INPP4B: variants seen among roughly 807,000 people sequenced by gnomAD.
The protein encoded by INPP4B is inositol polyphosphate-4-phosphatase type II B.
Under a neutral mutation model 122.5 loss-of-function variants are expected in INPP4B, and 55 were observed. That is an observed-to-expected ratio of 0.45 (90% CI 0.36 to 0.56). The LOEUF is 0.56. Ranked by LOEUF, INPP4B falls within the 20% of genes least tolerant of loss-of-function variation. INPP4B has a pLI of 0.00. For missense variants in INPP4B, 1,000 were observed against 1,097.7 expected (o/e 0.91, Z 1.26); for synonymous variants, 403 against 388.7 (o/e 1.04, Z -0.43).
At position 142,024,244 on chromosome 4, in the gene INPP4B, C is replaced by A. The variant is rs1246973987; in HGVS notation, c.*4538G>T. The A allele has an allele frequency of 6.6e-6, 1 of 152,030 alleles. No individual in the cohort carries two copies. The highest frequency in any genetic ancestry group is 1.5e-5 in the Non-Finnish European group (1 of 67,998). The allele number at this position is 152,030 out of a possible 1,614,324, so 9.4% of individuals were successfully genotyped here. A position where few individuals can be genotyped will look rare whatever the true frequency, so the allele number is the denominator to read the frequency against. On this transcript the variant is annotated 3_prime_UTR_variant, in exon 26 of 26. Coordinates refer to ENST00000262992, the MANE Select transcript of INPP4B (RefSeq NM_001101669.3). ...GAGCTCTAAATTAAAACTGCCAAAG[C>A]AACAAAAGATATAATATATTGGGAC...
chr4:142,078,523 G>T (rs1011382486), intron 25 of INPP4B, among the ~76,000 whole-genome samples: 4 of 151,910 alleles, frequency 2.6e-5, no homozygotes, highest in African/African-American at 9.7e-5. Context: ...ACTGTTCTAG[G>T]TACTGGAAAT....
intron 25 of INPP4B, among the ~76,000 whole-genome samples, chr4:142,044,771 A>C (rs1750416693): frequency 6.6e-6 from 1 of 152,168 alleles, no homozygotes; most frequent in South Asian, 2.1e-4. Flanking sequence ...GTTGTTTCTC[A>C]GGAGAACAAA....
chr4:142,466,467 T>C (rs1441258470), intron 2 of INPP4B, among the ~76,000 whole-genome samples: 2 of 152,214 alleles, frequency 1.3e-5, no homozygotes, highest in Non-Finnish European at 2.9e-5. Flanking sequence ...TGGTTGTTTC[T>C]AACAACTTAA....
chr4:142,123,477 A>G (rs1341954166), intron 19 of INPP4B, 62 bp from the exon 20 acceptor site: 2 of 1,535,824 alleles, frequency 1.3e-6, no homozygotes, highest in Non-Finnish European at 1.8e-6. Context: ...TTATTTTGAA[A>G]TATTTTAAGA....
chr4:142,233,827 T>C (rs1198258766), intron 12 of INPP4B, among the ~76,000 whole-genome samples: 1 of 151,960 alleles, frequency 6.6e-6, no homozygotes, highest in Non-Finnish European at 1.5e-5. Context: ...TTTTATATTA[T>C]ATTACAAATG....
chr4:142,518,131 T>G (rs1456872562), intron 2 of INPP4B, among the ~76,000 whole-genome samples: 1 of 152,184 alleles, frequency 6.6e-6, no homozygotes, highest in African/African-American at 2.4e-5. Flanking sequence ...TTGATCTATT[T>G]CAGCAATTAG....
intron 2 of INPP4B, among the ~76,000 whole-genome samples, chr4:142,562,826 G>C (rs535610908): frequency 6.6e-6 from 1 of 152,082 alleles, no homozygotes; most frequent in Non-Finnish European, 1.5e-5. Flanking sequence ...CATGTTACTT[G>C]CAAAATGTTA....
At chr4:142,787,597 T>C (rs1348673372) in intron 1 of INPP4B, among the ~76,000 whole-genome samples, 1 of 152,118 alleles carries the variant, frequency 6.6e-6, no homozygotes, top group Non-Finnish European at 1.5e-5. Flanking sequence ...TACCAACTTA[T>C]TTTATACATT....
At chr4:142,671,835 T>C (rs1757044967) in intron 2 of INPP4B, among the ~76,000 whole-genome samples, 1 of 152,168 alleles carries the variant, frequency 6.6e-6, no homozygotes, top group Admixed American at 6.6e-5. Flanking sequence ...CTTTATCAAG[T>C]ATATTAATTG....
intron 1 of INPP4B, among the ~76,000 whole-genome samples, chr4:142,785,361 T>A (rs1775608366): frequency 6.6e-6 from 1 of 151,908 alleles, no homozygotes; most frequent in African/African-American, 2.4e-5. Context: ...GAGATTCAGA[T>A]AAAACAGTTT....
At chr4:142,598,811 C>T (rs941658506) in intron 2 of INPP4B, among the ~76,000 whole-genome samples, 1 of 152,258 alleles carries the variant, frequency 6.6e-6, no homozygotes, top group Admixed American at 6.5e-5. Flanking sequence ...GCACAGAGAG[C>T]AGAACCCCTT....
intron 25 of INPP4B, among the ~76,000 whole-genome samples, chr4:142,071,383 C>A (rs1194369528): frequency 6.6e-6 from 1 of 152,072 alleles, no homozygotes; most frequent in African/African-American, 2.4e-5. Flanking sequence ...CATAAAAACC[C>A]TAGAAGAAAA....
intron 2 of INPP4B, among the ~76,000 whole-genome samples, chr4:142,624,280 T>C (rs1237903354): frequency 6.6e-6 from 1 of 151,854 alleles, no homozygotes; most frequent in Non-Finnish European, 1.5e-5. Flanking sequence ...TGAGATGGTA[T>C]CTCATTGTGG....
chr4:142,071,299 C>T (rs891050292), intron 25 of INPP4B, among the ~76,000 whole-genome samples: 11 of 152,146 alleles, frequency 7.2e-5, no homozygotes, highest in Non-Finnish European at 1.5e-4. Context: ...AAAGTTGAAA[C>T]TGGATCCCTT....
intron 16 of INPP4B, among the ~76,000 whole-genome samples, chr4:142,168,747 C>T (rs999545726): frequency 5.3e-5 from 8 of 151,546 alleles, no homozygotes; most frequent in Non-Finnish European, 1.2e-4. Context: ...CAGATTGGTA[C>T]TCATAAAGAG....
chr4:142,680,990 A>T (rs1248599146), intron 2 of INPP4B, among the ~76,000 whole-genome samples: 1 of 151,890 alleles, frequency 6.6e-6, no homozygotes, highest in Non-Finnish European at 1.5e-5. Context: ...TTCCCCTTCA[A>T]TAAATTCTCT....
intron 7 of INPP4B, among the ~76,000 whole-genome samples, chr4:142,344,428 G>C (rs1184986652): frequency 6.6e-6 from 1 of 152,014 alleles, no homozygotes; most frequent in Non-Finnish European, 1.5e-5. Flanking sequence ...TGTGTGGTGA[G>C]TTTTCCTTTT....
chr4:142,682,680 T>C (rs967012531), intron 2 of INPP4B, among the ~76,000 whole-genome samples: 1 of 151,910 alleles, frequency 6.6e-6, no homozygotes, highest in Non-Finnish European at 1.5e-5. Context: ...AGAGTATTAA[T>C]ATGTGAAGTT....
At chr4:142,165,869 C>A (rs1018310387) in intron 16 of INPP4B, among the ~76,000 whole-genome samples, 1 of 151,638 alleles carries the variant, frequency 6.6e-6, no homozygotes, top group African/African-American at 2.4e-5. Context: ...GGTCCATATC[C>A]TCCTCCACTC....
Sources: allele counts gnomAD v4.1 joint callset (sites outside exome capture counted in the v4.1 genomes callset), GRCh38; gene constraint gnomAD v4.1.1; transcripts MANE v1.5; gene names NCBI Gene and HGNC (gene_info 2026-07-23, HGNC 2026-07-21).